SMC4: variants seen among roughly 807,000 people sequenced by gnomAD.
SMC4 encodes the protein structural maintenance of chromosomes protein 4.
In SMC4, 87 loss-of-function variants were observed where a neutral mutation model predicts 145.6. The observed-to-expected ratio is 0.60, with a 90% CI of 0.50 to 0.71. The LOEUF (loss-of-function observed/expected upper bound fraction) is 0.71, where lower values mean the gene tolerates loss of function less well. Ranked by LOEUF, SMC4 falls within the 30% of genes least tolerant of loss-of-function variation. SMC4 has a pLI of 0.00. For missense variants in SMC4, 1,447 were observed against 1,537.1 expected (o/e 0.94, Z 0.98); for synonymous variants, 558 against 500.7 (o/e 1.11, Z -1.53).
Position 160,423,444 on chromosome 3 carries a change from A to G in SMC4, c.2039A>G (p.Lys680Arg), listed in dbSNP as rs111473161. The G allele has an allele frequency of 6.2e-7, 1 of 1,603,306 alleles. No homozygotes were observed. The highest frequency in any genetic ancestry group is 1.1e-5 in the South Asian group (1 of 90,062). ...TTTTAGATGGCTGTATGGGCGAAAA[A>G]GATGACCGAAATTCAAACTCCTGAA... ...GLDKMAVWAKKMTEIQTPENT... is the reference protein window; with the variant it reads ...GLDKMAVWAKRMTEIQTPENT... The change falls in exon 14 of 24, where the codon AAG (lysine) becomes AGG (arginine). Residue 680 changes from lysine to arginine, a missense_variant. Coordinates refer to ENST00000357388, the MANE Select transcript of SMC4 (RefSeq NM_001002800.3).
chr3:160,402,545 G>C, intron 3 of SMC4, 131 bp from the exon 4 acceptor site: 1 of 862,654 alleles, frequency 1.2e-6, no homozygotes, highest in South Asian at 1.7e-5. Flanking sequence ...CCTGTGATTA[G>C]CAATGAGAAC....
Position 160,431,131 on chromosome 3 carries a change from A to C in SMC4, c.3040A>C (p.Ile1014Leu), listed in dbSNP as rs1192323505. The change falls in exon 20 of 24, where the codon ATT becomes CTT. Residue 1014 changes from isoleucine to leucine, a missense_variant. Ile to Leu is a conservative substitution (Grantham distance 5). Transcript: ENST00000357388. Reference protein sequence around the residue: ...EHALQKDALSIKLKLEQIDGH... With the variant: ...EHALQKDALSLKLKLEQIDGH... ...TGCTCTTCAAAAAGATGCACTTAGT[A>C]TTAAGTTGAAACTTGAACAAATAGA... The C allele has an allele frequency of 6.2e-7, 1 of 1,606,614 alleles. No homozygotes were observed. Among genetic ancestry groups the C allele is most frequent in the African/African-American group, 1.3e-5 (1 of 74,496 alleles).
chr3:160,432,812 T>G (rs1718553111), intron 22 of SMC4: 2 of 544,748 alleles, frequency 3.7e-6, no homozygotes, highest in African/African-American at 1.9e-5. Flanking sequence ...AATACTTAGC[T>G]TGCTCTTTAA....
chr3:160,430,134 TATTG>T (rs1365329208), intron 18 of SMC4, among the ~76,000 whole-genome samples: 1 of 152,026 alleles, frequency 6.6e-6, no homozygotes, highest in Non-Finnish European at 1.5e-5. Context: ...ATTGATTGCA[TATTG>T]ATTATCTGGT....
intron 4 of SMC4, among the ~76,000 whole-genome samples, chr3:160,403,140 A>G (rs1377497171): frequency 6.6e-6 from 1 of 152,174 alleles, no homozygotes; most frequent in Non-Finnish European, 1.5e-5. Context: ...CTAAATAGGC[A>G]TTATTTTACT....
chr3:160,426,551 T>C (rs1389096757), intron 17 of SMC4, among the ~76,000 whole-genome samples: 1 of 152,206 alleles, frequency 6.6e-6, no homozygotes, highest in African/African-American at 2.4e-5. Context: ...ACACAGGGAA[T>C]AAGTGGTATG....
At position 160,433,291 on chromosome 3, in the gene SMC4, C is replaced by T. The variant is rs1234697249; in HGVS notation, c.3714+82C>T. 12 of 977,232 alleles carry T rather than the reference C, an allele frequency of 1.2e-5. No individual in the cohort carries two copies. In the South Asian group the frequency reaches 2.1e-4, roughly 17 times the overall value. The allele number at this position is 977,232 out of a possible 1,614,324, so 60.5% of individuals were successfully genotyped here. A position where few individuals can be genotyped will look rare whatever the true frequency, so the allele number is the denominator to read the frequency against. ...TACACATGGAATTCTTTATTTCTTA[C>T]AATTGAGCTTTTTCTTTATTGTCTA... On this transcript the variant is annotated intron_variant, in intron 23 of 23. Coordinates refer to ENST00000357388, the MANE Select transcript of SMC4 (RefSeq NM_001002800.3).
intron 5 of SMC4, 23 bp from the exon 6 acceptor site, chr3:160,411,897 T>G: frequency 1.9e-6 from 3 of 1,605,936 alleles, no homozygotes; most frequent in Non-Finnish European, 2.6e-6. Flanking sequence ...ACAGTGAGTA[T>G]GAAATATAAC....
At chr3:160,404,821 G>A in intron 5 of SMC4, 1 of 536,344 alleles carries the variant, frequency 1.9e-6, no homozygotes, top group Non-Finnish European at 3.8e-6. Flanking sequence ...CTGCTTTAGT[G>A]TGACAGGGAT....
At chr3:160,413,438 G>T (rs1214768821) in intron 7 of SMC4, 35 bp from the exon 8 acceptor site, 2 of 1,556,118 alleles carry the variant, frequency 1.3e-6, no homozygotes, top group Non-Finnish European at 8.6e-7. Context: ...CATTTTAGGA[G>T]CTTCAATTTC....
chr3:160,404,562 A>G (rs1479252356), intron 5 of SMC4, 58 bp downstream of exon 5: 6 of 1,553,028 alleles, frequency 3.9e-6, no homozygotes, highest in Non-Finnish European at 4.4e-6. Flanking sequence ...TTTTCTATAA[A>G]GCTAGGTTGG....
At chr3:160,433,279 CT>C in intron 23 of SMC4, 70 bp downstream of exon 23, 2 of 1,074,784 alleles carry the variant, frequency 1.9e-6, no homozygotes, top group South Asian at 1.6e-5. Context: ...ACATGGAATT[CT>C]TTATTTCTTA....
Position 160,413,469 on chromosome 3 carries a change from A to C in SMC4, c.981-4A>C, listed in dbSNP as rs544734751. ...ATTTCTTTTTTTTTTTTTCCTCCCT[A>C]TAGTTATGAGTTGCAGAAACGAATT... On this transcript the variant is annotated splice_polypyrimidine_tract_variant and splice_region_variant and intron_variant, in intron 7 of 23. Coordinates refer to ENST00000357388, the MANE Select transcript of SMC4 (RefSeq NM_001002800.3). The C allele has an allele frequency of 1.7e-4, 269 of 1,567,548 alleles. 6 individuals are homozygous for C. The South Asian group carries it at 3.0e-3, about 17-fold the overall frequency.
intron 7 of SMC4, chr3:160,412,815 A>G: frequency 1.0e-6 from 1 of 983,590 alleles, no homozygotes; most frequent in Non-Finnish European, 1.2e-6. Context: ...AATTCATTGA[A>G]GTTGACTTTT....
In SMC4 at chr3:160,404,045, C is replaced by T. The variant is rs1715024620; in HGVS notation, c.511-283C>T. On this transcript the variant is annotated intron_variant, in intron 4 of 23. Coordinates refer to ENST00000357388, the MANE Select transcript of SMC4 (RefSeq NM_001002800.3). ...GGAATCTTGTCTACGTCTTCTCAAT[C>T]ATAAACGTTTTTAGGCTTGTTTGGA... is the stretch of plus-strand genomic sequence containing the variant. 4 of 320,776 alleles carry T rather than the reference C, an allele frequency of 1.2e-5. No individual in the cohort carries two copies. In the Admixed American group the frequency reaches 2.0e-4, roughly 16 times the overall value. The allele number at this position is 320,776 out of a possible 1,614,324, so 19.9% of individuals were successfully genotyped here. A position where few individuals can be genotyped will look rare whatever the true frequency, so the allele number is the denominator to read the frequency against.
intron 4 of SMC4, among the ~76,000 whole-genome samples, chr3:160,403,271 T>C (rs1357808618): frequency 6.6e-6 from 1 of 152,178 alleles, no homozygotes; most frequent in African/African-American, 2.4e-5. Context: ...ATTTTAACTC[T>C]AATGTTAGTG....
In SMC4 at chr3:160,414,496, A is replaced by G; in HGVS notation, c.1251A>G (p.Gln417=). 1.9e-6 allele frequency: 3 copies of G among 1,611,300 alleles called. No homozygotes were observed. The highest frequency in any genetic ancestry group is 2.5e-6 in the Non-Finnish European group (3 of 1,179,246). Residue 417 remains glutamine, a synonymous_variant, in exon 9 of 24, where the codon CAA becomes CAG. Transcript: ENST00000357388. ...GTAAAGCCAAAAAACTGGAGAAACA[A>G]CTTCAAAAAGATAAAGAAAAGGTAG... ...ATSKAKKLEK[Q]LQKDKEKVEE...
chr3:160,423,565 C>A lies in SMC4; in HGVS notation c.2160C>A (p.Asn720Lys). ...TACGAGATACCTTAGTAGCTGACAA[C>A]TTGGATCAAGCCACAAGAGTAGCAT... ...FALRDTLVAD[N>K]LDQATRVAYQ... Residue 720 changes from asparagine to lysine, a missense_variant, in exon 14 of 24, where the codon AAC (asparagine) becomes AAA (lysine). Transcript: ENST00000357388. 1 of 1,613,864 alleles carries A rather than the reference C, an allele frequency of 6.2e-7. No individual in the cohort carries two copies. The highest frequency in any genetic ancestry group is 1.7e-4 in the Middle Eastern group (1 of 6,060).
In SMC4 at chr3:160,433,086, A is replaced by C; in HGVS notation, c.3591A>C (p.Thr1197=). 1 of 1,613,746 alleles carries C rather than the reference A, an allele frequency of 6.2e-7. No homozygotes were observed. Among genetic ancestry groups the C allele is most frequent in the Non-Finnish European group, 8.5e-7 (1 of 1,179,716 alleles). Residue 1197 remains threonine, a synonymous_variant, in exon 23 of 24, where the codon ACA becomes ACC. Transcript: ENST00000357388. ...TCAACCTTTCGGGAGGAGAGAAAAC[A>C]CTTAGTTCATTGGCTTTAGTATTTG... The part of the protein sequence containing the change: ...KIFNLSGGEK[T]LSSLALVFAL...
Sources: allele counts gnomAD v4.1 joint callset (sites outside exome capture counted in the v4.1 genomes callset), GRCh38; gene constraint gnomAD v4.1.1; transcripts MANE v1.5; gene names NCBI Gene and HGNC (gene_info 2026-07-23, HGNC 2026-07-21).